KAZN: variants seen among roughly 807,000 people sequenced by gnomAD.
KAZN encodes kazrin.
In KAZN, 40 loss-of-function variants were observed where a neutral mutation model predicts 87.4. The ratio of observed to expected loss-of-function variants is 0.46; its 90% CI spans 0.36 to 0.60. The LOEUF (loss-of-function observed/expected upper bound fraction) is 0.60. Ranked by LOEUF, KAZN falls within the 20% of genes least tolerant of loss-of-function variation. The pLI is 0.00. For synonymous variants in KAZN, 466 were observed against 458.3 expected, an observed-to-expected ratio of 1.02 and a Z score of -0.22; for missense variants, 898 against 1,073.9, an observed-to-expected ratio of 0.84 and a Z score of 2.29.
At chr1:14,572,387 TGGGCAATCC>T (rs1674924631) in intron 2 of KAZN, among the ~76,000 whole-genome samples, 3 of 152,168 alleles carry the variant, frequency 2.0e-5, no homozygotes, top group Admixed American at 1.3e-4. Context: ...GAGAATGAGC[TGGGCAATCC>T]CCAGTCCTTG....
intron 2 of KAZN, among the ~76,000 whole-genome samples, chr1:14,247,391 C>T (rs778202816): frequency 3.9e-5 from 6 of 152,148 alleles, no homozygotes; most frequent in African/African-American, 7.2e-5. Flanking sequence ...TGGATAAGAT[C>T]GGTGTTAGAA....
intron 1 of KAZN, among the ~76,000 whole-genome samples, chr1:14,948,982 T>C (rs1662149973): frequency 1.3e-5 from 2 of 151,906 alleles, no homozygotes; most frequent in African/African-American, 2.4e-5. Context: ...CATGGCAAAA[T>C]GCTGTCTCTA....
At chr1:14,220,033 C>T (rs1000808181) in intron 2 of KAZN, among the ~76,000 whole-genome samples, 25 of 152,158 alleles carry the variant, frequency 1.6e-4, no homozygotes, top group Non-Finnish European at 2.9e-5. Flanking sequence ...TCCTTTTCTT[C>T]TGAACAACCA....
intron 1 of KAZN, among the ~76,000 whole-genome samples, chr1:14,722,159 A>G (rs1009729953): frequency 2.4e-5 from 3 of 124,624 alleles, no homozygotes; most frequent in Non-Finnish European, 5.6e-5. Context: ...TCAAAAAAAA[A>G]AAAGAATAAA....
At chr1:14,603,907 C>A (rs1194842729) in intron 1 of KAZN, among the ~76,000 whole-genome samples, 1 of 152,126 alleles carries the variant, frequency 6.6e-6, no homozygotes, top group East Asian at 1.9e-4. Flanking sequence ...CCCAGAAGGT[C>A]AAGCTTGGGA....
intron 1 of KAZN, among the ~76,000 whole-genome samples, chr1:14,755,292 T>G (rs1644530712): frequency 6.6e-6 from 1 of 152,002 alleles, no homozygotes; most frequent in African/African-American, 2.4e-5. Context: ...CAAGGTACTA[T>G]TGCCATGCTT....
chr1:14,674,713 G>A (rs1302519394), intron 1 of KAZN, among the ~76,000 whole-genome samples: 1 of 152,196 alleles, frequency 6.6e-6, no homozygotes, highest in Non-Finnish European at 1.5e-5. Flanking sequence ...CAGAGATTCA[G>A]TTTAAAAGGA....
chr1:14,280,151 A>T (rs182101486), intron 2 of KAZN, among the ~76,000 whole-genome samples: 145 of 152,068 alleles, frequency 9.5e-4, no homozygotes, highest in Non-Finnish European at 6.6e-4. Context: ...TCACAAGGTC[A>T]AGAGATCGAG....
rs576015949 is a variant in KAZN, at chr1:14,203,094, T to C, written c.249+22502T>C. Among the ~76,000 whole-genome samples the C allele has an allele frequency of 4.0e-4, 61 of 152,042 alleles. No homozygotes were observed. The South Asian group carries it at 4.2e-3, about 10-fold the overall frequency. ...TATAAGGAATTCTTATGATAAAAAG[T>C]ATGTTGCATTATACTAGATAATAAA... On this transcript the variant is annotated intron_variant, in intron 2 of 16. Coordinates refer to the KAZN transcript ENST00000636203.
At chr1:13,949,229 A>G (rs963117212) in intron 1 of KAZN, among the ~76,000 whole-genome samples, 2 of 152,192 alleles carry the variant, frequency 1.3e-5, no homozygotes, top group Admixed American at 1.3e-4. Context: ...TTCAGGGACC[A>G]CACTTAATTA....
rs184068058 is a variant in KAZN, at chr1:14,179,224, C to T, written c.92-1211C>T. On this transcript the variant is annotated intron_variant, in intron 1 of 16. Coordinates refer to the KAZN transcript ENST00000636203. Reference sequence around the variant, plus strand: ...CCTCCTGCTCTTTTAGAACTTTGTCCTGGAAATCCTAGCTAACTTAGTCTT... The same window carrying T: ...CCTCCTGCTCTTTTAGAACTTTGTCTTGGAAATCCTAGCTAACTTAGTCTT... 1.1e-4 allele frequency among the ~76,000 whole-genome samples: 17 copies of T among 152,288 alleles called. No homozygotes were observed. In the East Asian group the frequency reaches 3.3e-3, roughly 29 times the overall value.
At chr1:13,924,739 CCA>C (rs1640206300) in intron 1 of KAZN, among the ~76,000 whole-genome samples, 1 of 152,190 alleles carries the variant, frequency 6.6e-6, no homozygotes, top group Non-Finnish European at 1.5e-5. Context: ...CCAGACTGAA[CCA>C]GTGTTCCTCT....
intron 1 of KAZN, among the ~76,000 whole-genome samples, chr1:14,705,630 T>C (rs1642167307): frequency 6.6e-6 from 1 of 152,184 alleles, no homozygotes; most frequent in African/African-American, 2.4e-5. Context: ...CATTAGAGGC[T>C]ACATGGGTGG....
chr1:14,187,141 C>G (rs1646325691), intron 2 of KAZN, among the ~76,000 whole-genome samples: 2 of 151,988 alleles, frequency 1.3e-5, no homozygotes, highest in Non-Finnish European at 2.9e-5. Flanking sequence ...TTACATTGTT[C>G]CATCCAGCCC....
intron 1 of KAZN, among the ~76,000 whole-genome samples, chr1:14,673,530 AGC>A (rs1640039290): frequency 6.6e-6 from 1 of 152,128 alleles, no homozygotes; most frequent in Non-Finnish European, 1.5e-5. Flanking sequence ...TCAGGGAGGA[AGC>A]GTCCTTCGAG....
At chr1:14,017,148 T>G (rs1640607922) in intron 1 of KAZN, among the ~76,000 whole-genome samples, 1 of 152,172 alleles carries the variant, frequency 6.6e-6, no homozygotes, top group Non-Finnish European at 1.5e-5. Context: ...ATAAATCTGA[T>G]TCCTTCTGCT....
chr1:14,924,694 C>A, intron 1 of KAZN: 1 of 474,226 alleles, frequency 2.1e-6, no homozygotes, highest in Non-Finnish European at 2.8e-6. Context: ...AAAGTTCTCG[C>A]AGCGCGCGGA....
intron 1 of KAZN, among the ~76,000 whole-genome samples, chr1:13,982,145 A>C (rs1638751579): frequency 6.6e-6 from 1 of 152,204 alleles, no homozygotes; most frequent in Admixed American, 6.5e-5. Flanking sequence ...GCCTGAATCC[A>C]GGCAGGGAAG....
intron 2 of KAZN, among the ~76,000 whole-genome samples, chr1:14,336,014 C>A (rs540511901): frequency 6.6e-6 from 1 of 152,284 alleles, no homozygotes; most frequent in Non-Finnish European, 1.5e-5. Flanking sequence ...ACGGAAGTAG[C>A]AGCAGAGGAG....
Sources: gnomAD v4.1 joint callset for allele counts (sites outside exome capture counted in the v4.1 genomes callset) on GRCh38, gnomAD v4.1.1 for gene constraint, MANE v1.5 for transcripts, NCBI Gene and HGNC (gene_info 2026-07-23, HGNC 2026-07-21) for gene names.